NUP214: variants seen among roughly 807,000 people sequenced by gnomAD.
The protein encoded by NUP214 is nucleoporin 214.
NUP214 carries 79 observed loss-of-function variants against 196.2 expected under a neutral mutation model. The ratio of observed to expected loss-of-function variants is 0.40; its 90% CI spans 0.34 to 0.49. NUP214 has a LOEUF of 0.49. NUP214 is among the 20% of genes least tolerant of loss of function. NUP214 has a pLI of 0.58. For synonymous variants in NUP214, 1,020 were observed against 990.5 expected (o/e 1.03, Z -0.56); for missense variants, 2,468 against 2,539.0 (o/e 0.97, Z 0.60).
At chr9:131,137,552 CTTTTTTTTTTTTTT>C (rs11338707) in intron 9 of NUP214, among the ~76,000 whole-genome samples, 1 of 88,708 alleles carries the variant, frequency 1.1e-5, no homozygotes, top group Admixed American at 1.3e-4. Context: ...CTGGTGGTAT[CTTTTTTTTTTTTTT>C]TTTTTTTTTG....
chr9:131,144,304 C>T lies in NUP214; in HGVS notation c.1319C>T (p.Ser440Phe). 4 of 1,613,978 alleles carry T rather than the reference C, an allele frequency of 2.5e-6. No homozygotes were observed. In the South Asian group the frequency reaches 3.3e-5, roughly 13 times the overall value. The change falls in exon 12 of 36, where the codon TCC (serine) becomes TTC (phenylalanine). Residue 440 changes from serine to phenylalanine, a missense_variant. Transcript: ENST00000359428. ...SPGSTPTTPT[S>F]SQAPQKLDAS... is the part of the protein sequence containing the mutation. ...GGAAGTACTCCCACTACCCCAACCT[C>T]CTCTCAAGCCCCACAGAAACTGGAT...
Position 131,198,932 on chromosome 9 carries a change from G to T in NUP214, c.5438G>T (p.Gly1813Val). Residue 1813 changes from glycine (G) to valine (V), a missense_variant, in exon 29 of 36, where the codon GGA (glycine) becomes GTA (valine). Around this residue, in one of 5 missense-constraint regions of NUP214, gnomAD observed 1,801 missense variants for 1,779.4 expected, o/e 1.01. Coordinates refer to ENST00000359428, the MANE Select transcript of NUP214 (RefSeq NM_005085.4). The stretch of plus-strand genomic sequence containing the variant: ...GCTTTTGGGCAGAGTCCTGGCTTTG[G>T]ACAGGGAGGCTCTGTCTTTGGTGGT... ...APAFGQSPGF[G>V]QGGSVFGGTS... 1.2e-6 allele frequency: 2 copies of T among 1,614,170 alleles called. No individual in the cohort carries two copies.
intron 32 of NUP214, among the ~76,000 whole-genome samples, 175 bp from the exon 33 acceptor site, chr9:131,227,985 C>T (rs955689486): frequency 5.3e-3 from 70 of 13,332 alleles, no homozygotes; most frequent in African/African-American, 9.5e-3. Context: ...GATAGAAGGG[C>T]GGGGGGGAGG....
chr9:131,144,577 C>T lies in NUP214; in HGVS notation c.1592C>T (p.Ala531Val), dbSNP rs779093260. 1 of 1,614,074 alleles carries T rather than the reference C, an allele frequency of 6.2e-7. No individual in the cohort carries two copies. Among genetic ancestry groups the T allele is most frequent in the Non-Finnish European group, 8.5e-7 (1 of 1,179,988 alleles). The stretch of plus-strand genomic sequence containing the variant: ...GTTCCCCCTTCTAAAGCCTCCCTAG[C>T]CCCCACCCCTGCAGCGTCTCCTGTG... ...SFVPPSKASL[A>V]PTPAASPVAP... Residue 531 changes from alanine to valine, a missense_variant, in exon 12 of 36, where the codon GCC becomes GTC. By Grantham distance (64) the Ala-to-Val change is moderately conservative. Around this residue, in one of 5 missense-constraint regions of NUP214, gnomAD observed 1,801 missense variants for 1,779.4 expected, o/e 1.01. Coordinates refer to ENST00000359428, the MANE Select transcript of NUP214 (RefSeq NM_005085.4).
chr9:131,164,246 CTGTGTATGTG>C (rs1266274742), intron 21 of NUP214, 102 bp downstream of exon 21: 18 of 1,010,600 alleles, frequency 1.8e-5, no homozygotes, highest in Non-Finnish European at 2.6e-5. Context: ...AGCTAGGGTG[CTGTGTATGTG>C]TGTGTAAGTG....
At chr9:131,199,628 T>C (rs1379697661) in intron 29 of NUP214, among the ~76,000 whole-genome samples, 1 of 152,260 alleles carries the variant, frequency 6.6e-6, no homozygotes, top group Non-Finnish European at 1.5e-5. Flanking sequence ...TCTATTGCAT[T>C]TTCCATTTTA....
rs1477422680 is a variant in NUP214, at chr9:131,149,136, CT to C, written c.2041-1187del. Among the ~76,000 whole-genome samples, 3 of 138,106 alleles carry C rather than the reference CT, an allele frequency of 2.2e-5. No homozygotes were observed. In the East Asian group the frequency reaches 7.1e-4, roughly 33 times the overall value. 90.6% of individuals were successfully genotyped at this position (138,106 alleles called of 152,430 possible). ...GTTATGTCTTTTCCTTTCTGTGTCC[CT>C]CTAACCAACCCTTGTACCCTAACAC... On this transcript the variant is annotated intron_variant, in intron 14 of 35. Transcript: ENST00000359428.
chr9:131,234,380 C>T lies in NUP214; in HGVS notation c.*893C>T, dbSNP rs1010904278. On this transcript the variant is annotated 3_prime_UTR_variant, in exon 36 of 36. Coordinates refer to ENST00000359428, the MANE Select transcript of NUP214 (RefSeq NM_005085.4). ...ATGCTGGATTTGACAACAGTGTTTGCTAGGACGGCCCAGAGCTCATCACTG... is the reference window on the plus strand; with the variant it reads ...ATGCTGGATTTGACAACAGTGTTTGTTAGGACGGCCCAGAGCTCATCACTG... 4.7e-5 allele frequency: 11 copies of T among 232,672 alleles called. No individual in the cohort carries two copies. The highest frequency in any genetic ancestry group is 2.2e-4 in the African/African-American group (10 of 45,304). 14.4% of individuals were successfully genotyped at this position (232,672 alleles called of 1,614,324 possible).
intron 8 of NUP214, among the ~76,000 whole-genome samples, chr9:131,135,619 C>G (rs1831704044): frequency 6.6e-6 from 1 of 152,210 alleles, no homozygotes; most frequent in Non-Finnish European, 1.5e-5. Flanking sequence ...GGAGATTACT[C>G]AAAGCAAAGC....
At chr9:131,129,590 A>T (rs146879805) in intron 4 of NUP214, 113 bp downstream of exon 4, 1 of 1,022,166 alleles carries the variant, frequency 9.8e-7, no homozygotes, top group Non-Finnish European at 1.5e-6. Context: ...TTTTTTCATG[A>T]CGAGGGAGGT....
chr9:131,134,198 A>G (rs912019384), intron 7 of NUP214, among the ~76,000 whole-genome samples: 1 of 152,176 alleles, frequency 6.6e-6, no homozygotes, highest in African/African-American at 2.4e-5. Flanking sequence ...CTCCCGCCTC[A>G]TCTCTCAGAG....
chr9:131,128,749 C>T (rs1229578161), intron 3 of NUP214: 8 of 364,190 alleles, frequency 2.2e-5, no homozygotes, highest in Admixed American at 1.3e-4. Flanking sequence ...TACATAATGT[C>T]AAAAGTTCCT....
At position 131,215,372 on chromosome 9, in the gene NUP214, A is replaced by G. The variant is rs1450114548; in HGVS notation, c.5749+4A>G. On this transcript the variant is annotated splice_donor_region_variant and intron_variant, in intron 31 of 35. Transcript: ENST00000359428. ...TTTGGATCCACAGCTACCTCAAGTA[A>G]GTTGAGAAGACTTTTCCCAGTCCCT... 2 of 1,585,026 alleles carry G rather than the reference A, an allele frequency of 1.3e-6. No individual in the cohort carries two copies.
intron 30 of NUP214, among the ~76,000 whole-genome samples, chr9:131,205,033 A>G (rs1834040168): frequency 6.6e-6 from 1 of 152,214 alleles, no homozygotes; most frequent in Non-Finnish European, 1.5e-5. Context: ...AGAGAAATCA[A>G]GACTTTTTTT....
At chr9:131,181,742 A>G (rs1833284434) in intron 24 of NUP214, among the ~76,000 whole-genome samples, 1 of 152,196 alleles carries the variant, frequency 6.6e-6, no homozygotes, top group South Asian at 2.1e-4. Context: ...CATCAAGCAT[A>G]TGATTTGCAA....
chr9:131,193,629 C>CTTTTTTTTTTTTTTTGTTTTTTTTTTTT (rs1833679719), intron 27 of NUP214, among the ~76,000 whole-genome samples: 1 of 28,218 alleles, frequency 3.5e-5, no homozygotes, highest in Non-Finnish European at 6.5e-5. Context: ...TCTTCCTTTT[C>CTTTTTTTTTTTTTTTGTTTTTTTTTTTT]TTTTTTTTTT....
intron 9 of NUP214, among the ~76,000 whole-genome samples, chr9:131,138,903 G>A (rs1343874080): frequency 6.6e-6 from 1 of 152,220 alleles, no homozygotes; most frequent in Non-Finnish European, 1.5e-5. Flanking sequence ...ATGTCTAGGA[G>A]CAGGTATTGA....
At chr9:131,190,251 G>A (rs1254350042) in intron 26 of NUP214, 3 of 487,150 alleles carry the variant, frequency 6.2e-6, no homozygotes, top group Non-Finnish European at 1.1e-5. Flanking sequence ...AAAGACTTGA[G>A]TATTTTACAA....
chr9:131,214,515 C>T (rs760241175), intron 30 of NUP214, among the ~76,000 whole-genome samples: 1 of 152,196 alleles, frequency 6.6e-6, no homozygotes, highest in Non-Finnish European at 1.5e-5. Flanking sequence ...TGACACTTAA[C>T]TAAGGTGAAT....
Sources: allele counts gnomAD v4.1 joint callset (sites outside exome capture counted in the v4.1 genomes callset), GRCh38; gene constraint gnomAD v4.1.1; regional missense constraint gnomAD v4.1.1; transcripts MANE v1.5; gene names NCBI Gene and HGNC (gene_info 2026-07-23, HGNC 2026-07-21).